SETX: variants seen among roughly 807,000 people sequenced by gnomAD.
SETX encodes the protein senataxin, also known as helicase senataxin.
SETX carries 90 observed loss-of-function variants against 227.2 expected under a neutral mutation model. The observed-to-expected ratio is 0.40, with a 90% CI of 0.33 to 0.47. The LOEUF is 0.47. Among genes scored for constraint, SETX ranks in the 20% least tolerant of loss-of-function variants. SETX has a pLI of 0.91. For missense variants in SETX, 3,052 were observed against 3,181.5 expected, an observed-to-expected ratio of 0.96 and a Z score of 0.98; for synonymous variants, 1,210 against 1,113.2, an observed-to-expected ratio of 1.09 and a Z score of -1.73.
intron 2 of SETX, 81 bp from the exon 3 acceptor site, chr9:132,349,516 G>A (rs1848495086): frequency 2.1e-6 from 3 of 1,410,530 alleles, no homozygotes; most frequent in African/African-American, 1.4e-5. Flanking sequence ...CTTTCAACTT[G>A]TGACCCTGGT....
intron 2 of SETX, among the ~76,000 whole-genome samples, chr9:132,350,462 T>G (rs1463500157): frequency 6.6e-6 from 1 of 152,102 alleles, no homozygotes; most frequent in African/African-American, 2.4e-5. Context: ...GAATACATAA[T>G]CTTTACCAAC....
At chr9:132,353,606 T>C (rs1205195681) in intron 2 of SETX, 43 bp downstream of exon 2, 1 of 146,100 alleles carries the variant, frequency 6.8e-6, no homozygotes, top group Admixed American at 7.2e-5. Flanking sequence ...TCATTGCACT[T>C]ACCTTGGTGC....
At chr9:132,353,098 C>T (rs562596420) in intron 2 of SETX, among the ~76,000 whole-genome samples, 1 of 152,148 alleles carries the variant, frequency 6.6e-6, no homozygotes, top group Admixed American at 6.5e-5. Context: ...GAGGCCAAAG[C>T]CCCAAACTGG....
chr9:132,285,067 C>T (rs956790767), intron 18 of SETX, among the ~76,000 whole-genome samples: 14 of 152,032 alleles, frequency 9.2e-5, no homozygotes, highest in African/African-American at 3.1e-4. Flanking sequence ...TTATTAGAGA[C>T]GGGGTTTCAC....
chr9:132,318,086 C>G (rs984434274), intron 10 of SETX, among the ~76,000 whole-genome samples: 2 of 152,046 alleles, frequency 1.3e-5, no homozygotes, highest in African/African-American at 4.8e-5. Context: ...TTCGTGATAA[C>G]TTGTGGGAGA....
chr9:132,307,954 G>A (rs1845431200), intron 11 of SETX, among the ~76,000 whole-genome samples: 1 of 152,078 alleles, frequency 6.6e-6, no homozygotes, highest in Admixed American at 6.6e-5. Flanking sequence ...TGGGATTACA[G>A]GCCTGAGCCA....
intron 12 of SETX, 107 bp from the exon 13 acceptor site, chr9:132,298,419 T>C (rs770970222): frequency 1.2e-5 from 11 of 920,364 alleles, no homozygotes; most frequent in South Asian, 5.6e-5. Flanking sequence ...TTGGATATTA[T>C]TTACATAATT....
At chr9:132,281,728 A>G (rs1215955708) in intron 19 of SETX, among the ~76,000 whole-genome samples, 154 bp from the exon 20 acceptor site, 3 of 152,204 alleles carry the variant, frequency 2.0e-5, no homozygotes, top group Non-Finnish European at 4.4e-5. Context: ...ACAAAAAAAC[A>G]AAACAAAACC....
At chr9:132,308,783 ACTT>A (rs1351097992) in intron 11 of SETX, among the ~76,000 whole-genome samples, 1 of 152,194 alleles carries the variant, frequency 6.6e-6, no homozygotes, top group Non-Finnish European at 1.5e-5. Flanking sequence ...CCAAATTTCC[ACTT>A]CTTTTCCTCT....
At chr9:132,333,860 T>C (rs1000474487) in intron 7 of SETX, among the ~76,000 whole-genome samples, 3 of 152,194 alleles carry the variant, frequency 2.0e-5, no homozygotes, top group African/African-American at 7.2e-5. Context: ...CCATTGAGCC[T>C]TGAAATATGA....
At chr9:132,316,646 G>C (rs1388399749) in intron 10 of SETX, among the ~76,000 whole-genome samples, 1 of 152,198 alleles carries the variant, frequency 6.6e-6, no homozygotes, top group African/African-American at 2.4e-5. Context: ...CAATGAAGCA[G>C]GCCAGTTTCC....
At position 132,278,014 on chromosome 9, in the gene SETX, T is replaced by C. The variant is rs979753720; in HGVS notation, c.6842+56A>G. 5 of 1,508,538 alleles carry C rather than the reference T, an allele frequency of 3.3e-6. No individual in the cohort carries two copies. In the African/African-American group the frequency reaches 6.9e-5, roughly 21 times the overall value. 93.4% of individuals were successfully genotyped at this position (1,508,538 alleles called of 1,614,324 possible). On this transcript the variant is annotated intron_variant, in intron 21 of 25. Transcript: ENST00000224140. The stretch of plus-strand genomic sequence containing the variant: ...TAAGACGACAGTAAAATGTCTATTC[T>C]TCATAAGTAGCTAAACTACAACAAA...
intron 10 of SETX, among the ~76,000 whole-genome samples, chr9:132,318,569 A>T (rs1377498616): frequency 6.6e-6 from 1 of 152,160 alleles, no homozygotes; most frequent in African/African-American, 2.4e-5. Flanking sequence ...TCAGTATTAC[A>T]ATCTCTAAGT....
chr9:132,345,306 G>A (rs1003717430), intron 4 of SETX, among the ~76,000 whole-genome samples: 4 of 152,094 alleles, frequency 2.6e-5, no homozygotes, highest in African/African-American at 9.7e-5. Flanking sequence ...CAGAGTCTCT[G>A]TCTGTCACCC....
intron 19 of SETX, among the ~76,000 whole-genome samples, chr9:132,282,005 G>A (rs1488058408): frequency 7.5e-6 from 1 of 133,018 alleles, no homozygotes; most frequent in Non-Finnish European, 1.5e-5. Flanking sequence ...CTGGGTGAGT[G>A]CAGACTCCGT....
rs1368588434 is a variant in SETX at position 132,336,416 on chromosome 9, T to C, written c.598A>G (p.Ile200Val). Reference protein sequence around the residue: ...QEVLLCLFKVIELGLLESPDI... With the variant: ...QEVLLCLFKVVELGLLESPDI... ...GGACTCTCTAAAAGCCCCAACTCAATGACTTTAAAAAGGCAAAGTAAAACT... is the reference window on the plus strand; with the variant it reads ...GGACTCTCTAAAAGCCCCAACTCAACGACTTTAAAAAGGCAAAGTAAAACT... The change falls in exon 6 of 26, where the codon ATT (isoleucine) becomes GTT (valine). Residue 200 changes from isoleucine to valine, a missense_variant. This residue lies in a region of SETX where 239 missense variants were observed against 240.8 expected (regional missense o/e 0.99). Transcript: ENST00000224140. 3.2e-5 allele frequency: 51 copies of C among 1,613,932 alleles called. No individual in the cohort carries two copies. Among genetic ancestry groups the C allele is most frequent in the Non-Finnish European group, 4.3e-5 (51 of 1,179,930 alleles).
intron 5 of SETX, among the ~76,000 whole-genome samples, chr9:132,341,273 A>T (rs534522190): frequency 2.4e-4 from 37 of 152,252 alleles, no homozygotes; most frequent in African/African-American, 8.7e-4. Flanking sequence ...GCCCTTGTCA[A>T]CTCAGAGTTT....
Position 132,328,239 on chromosome 9 carries a change from C to T in SETX, c.3359G>A (p.Gly1120Asp), listed in dbSNP as rs1278965355. The change falls in exon 10 of 26, where the codon GGT becomes GAT. Residue 1120 changes from glycine to aspartate, a missense_variant. Transcript: ENST00000224140. ...AGATACATAATCTGTACAACCCTGA[C>T]CATTTGTAGTATTGGCTATAGGAGC... is the stretch of plus-strand genomic sequence containing the variant. Reference protein sequence around the residue: ...CLAPIANTTNGQGCTDYVSEV... With the variant: ...CLAPIANTTNDQGCTDYVSEV... The T allele has an allele frequency of 1.8e-5, 29 of 1,614,150 alleles. No homozygotes were observed. Among genetic ancestry groups the T allele is most frequent in the Non-Finnish European group, 2.4e-5 (28 of 1,180,026 alleles).
Position 132,264,056 on chromosome 9 carries a change from C to T in SETX, c.*183G>A, listed in dbSNP as rs1057230334. ...ACGGATACACAATGCCCTCTGAAAGCTTTTGCAAATGACAGAAAATACTGA... is the reference window on the plus strand; with the variant it reads ...ACGGATACACAATGCCCTCTGAAAGTTTTTGCAAATGACAGAAAATACTGA... On this transcript the variant is annotated 3_prime_UTR_variant, in exon 26 of 26. Transcript: ENST00000224140. 2 of 771,476 alleles carry T rather than the reference C, an allele frequency of 2.6e-6. No homozygotes were observed. Among genetic ancestry groups the T allele is most frequent in the Admixed American group, 2.5e-5 (1 of 39,410 alleles). The allele number at this position is 771,476 out of a possible 1,614,324, so 47.8% of individuals were successfully genotyped here.
Sources: gnomAD v4.1 joint callset for allele counts (sites outside exome capture counted in the v4.1 genomes callset) on GRCh38, gnomAD v4.1.1 for gene constraint, gnomAD v4.1.1 regional missense constraint, MANE v1.5 for transcripts, NCBI Gene and HGNC (gene_info 2026-07-23, HGNC 2026-07-21) for gene names.